VAV3: variants seen among roughly 807,000 people sequenced by gnomAD.
VAV3 encodes the protein guanine nucleotide exchange factor VAV3.
A neutral mutation model predicts 131.2 loss-of-function variants in VAV3; 94 were observed. The observed-to-expected ratio is 0.72, with a 90% CI of 0.61 to 0.85. The LOEUF is 0.85. Ranked by LOEUF, VAV3 falls within the 40% of genes least tolerant of loss-of-function variation. VAV3 has a pLI of 0.00. For missense variants in VAV3, 939 were observed against 1,002.7 expected (o/e 0.94, Z 0.86); for synonymous variants, 349 against 342.0 (o/e 1.02, Z -0.22).
At chr1:107,724,199 T>C (rs2101935597) in intron 15 of VAV3, among the ~76,000 whole-genome samples, 1 of 152,190 alleles carries the variant, frequency 6.6e-6, no homozygotes, top group East Asian at 1.9e-4. Context: ...CTTTAAATGT[T>C]CACCTCCGTC....
rs72689640 is a variant in VAV3 at position 107,954,742 on chromosome 1, C to T, written c.204+9924G>A. ...AATCAGAACACTCCTCCAAGGGAGC[C>T]CCACACAACAGGAAAATACCATGGG... On this transcript the variant is annotated intron_variant, in intron 1 of 26. Transcript: ENST00000370056. 8.5e-3 allele frequency among the ~76,000 whole-genome samples: 1,262 copies of T among 147,668 alleles called. 12 individuals are homozygous for T. The highest frequency in any genetic ancestry group is 0.013 in the Non-Finnish European group (896 of 67,752).
intron 10 of VAV3, among the ~76,000 whole-genome samples, chr1:107,758,757 C>G (rs1052769842): frequency 1.3e-5 from 2 of 152,144 alleles, no homozygotes; most frequent in Non-Finnish European, 2.9e-5. Flanking sequence ...ACCCATACCT[C>G]CTAGACTCCT....
chr1:107,760,783 C>T lies in VAV3; in HGVS notation c.1017+1G>A, dbSNP rs1014507578. The T allele has an allele frequency of 1.9e-6, 3 of 1,607,386 alleles. No individual in the cohort carries two copies. Among genetic ancestry groups the T allele is most frequent in the Non-Finnish European group, 2.6e-6 (3 of 1,174,678 alleles). ...TAAATAAACTGTTTTAAGTTACATA[C>T]CTGGAGGAGAAGGTGGTACTTTAAA... On this transcript the variant is annotated splice_donor_variant, in intron 10 of 26. Coordinates refer to ENST00000370056, the MANE Select transcript of VAV3 (RefSeq NM_006113.5). LOFTEE classifies it high-confidence loss of function.
At chr1:107,601,802 T>C (rs1227986552) in intron 24 of VAV3, among the ~76,000 whole-genome samples, 2 of 152,170 alleles carry the variant, frequency 1.3e-5, no homozygotes, top group African/African-American at 4.8e-5. Flanking sequence ...GAATAATCCT[T>C]ATTCATTTGA....
intron 15 of VAV3, among the ~76,000 whole-genome samples, chr1:107,745,385 A>C (rs1663278001): frequency 1.3e-5 from 2 of 150,014 alleles, no homozygotes; most frequent in African/African-American, 4.9e-5. Context: ...ACTTATCACA[A>C]AAAAAAAAGC....
intron 19 of VAV3, among the ~76,000 whole-genome samples, chr1:107,655,715 G>T (rs187234505): frequency 6.6e-6 from 1 of 152,154 alleles, no homozygotes; most frequent in Admixed American, 6.5e-5. Flanking sequence ...ATCTGACAGG[G>T]AATTAATAAC....
intron 2 of VAV3, among the ~76,000 whole-genome samples, chr1:107,873,019 A>G (rs559059521): frequency 6.6e-6 from 1 of 152,306 alleles, no homozygotes; most frequent in East Asian, 1.9e-4. Flanking sequence ...ATACAGTTCT[A>G]AAGAGATAGC....
intron 2 of VAV3, among the ~76,000 whole-genome samples, chr1:107,817,309 G>C (rs975521603): frequency 6.6e-6 from 1 of 152,124 alleles, no homozygotes; most frequent in Non-Finnish European, 1.5e-5. Context: ...CATTATCAGA[G>C]AAGGGCATTG....
intron 2 of VAV3, among the ~76,000 whole-genome samples, chr1:107,790,226 C>T (rs1007966420): frequency 2.0e-5 from 3 of 152,230 alleles, no homozygotes; most frequent in African/African-American, 4.8e-5. Context: ...TCCTTCCACA[C>T]AGGCCTTATG....
intron 1 of VAV3, among the ~76,000 whole-genome samples, chr1:107,946,829 C>T (rs539505527): frequency 6.6e-6 from 1 of 152,260 alleles, no homozygotes; most frequent in Admixed American, 6.5e-5. Flanking sequence ...CTCAACTACC[C>T]AAGGGAAATA....
At chr1:107,908,844 C>T (rs917927338) in intron 1 of VAV3, among the ~76,000 whole-genome samples, 27 of 140,256 alleles carry the variant, frequency 1.9e-4, no homozygotes, top group Non-Finnish European at 1.0e-4. Flanking sequence ...CACACACACA[C>T]ACACACACAC....
At chr1:107,715,991 G>A (rs1661069924) in intron 15 of VAV3, among the ~76,000 whole-genome samples, 1 of 152,134 alleles carries the variant, frequency 6.6e-6, no homozygotes, top group Admixed American at 6.6e-5. Flanking sequence ...GGTAATATTA[G>A]GGAACAAAAG....
chr1:107,683,728 T>A (rs1658815235), intron 18 of VAV3, among the ~76,000 whole-genome samples, 195 bp from the exon 19 acceptor site: 1 of 152,366 alleles, frequency 6.6e-6, no homozygotes, highest in South Asian at 2.1e-4. Context: ...CACGTGTATA[T>A]CATTACACTT....
intron 15 of VAV3, among the ~76,000 whole-genome samples, chr1:107,716,297 A>T (rs937699511): frequency 2.0e-5 from 3 of 152,222 alleles, no homozygotes; most frequent in African/African-American, 7.2e-5. Context: ...TATAAACATT[A>T]TTGTGACCAA....
rs1210593533 is a variant in VAV3 at position 107,609,835 on chromosome 1, G to A, written c.2015+96C>T. On this transcript the variant is annotated intron_variant, in intron 22 of 26. Coordinates refer to ENST00000370056, the MANE Select transcript of VAV3 (RefSeq NM_006113.5). ...AAAACACCTTTAGCCGAGACAAATG[G>A]AAATGGAATATGGTTTACTACCCCC... is the stretch of plus-strand genomic sequence containing the variant. 4 of 1,248,198 alleles carry A rather than the reference G, an allele frequency of 3.2e-6. No homozygotes were observed. The South Asian group carries it at 5.1e-5, about 16-fold the overall frequency. 77.3% of individuals were successfully genotyped at this position (1,248,198 alleles called of 1,614,324 possible).
intron 2 of VAV3, among the ~76,000 whole-genome samples, chr1:107,848,197 C>CA (rs1669055290): frequency 6.6e-6 from 1 of 151,644 alleles, no homozygotes; most frequent in Non-Finnish European, 1.5e-5. Flanking sequence ...CCTGTAGTCC[C>CA]AGCTAATTGG....
intron 15 of VAV3, among the ~76,000 whole-genome samples, chr1:107,731,348 ACCTGAT>A (rs1662226985): frequency 2.0e-5 from 3 of 152,218 alleles, no homozygotes; most frequent in Admixed American, 1.3e-4. Context: ...CCACACTTTT[ACCTGAT>A]CCTCATTAGC....
chr1:107,610,752 G>A (rs1652664417), intron 21 of VAV3, among the ~76,000 whole-genome samples: 1 of 152,150 alleles, frequency 6.6e-6, no homozygotes, highest in Non-Finnish European at 1.5e-5. Context: ...GTATATTAAT[G>A]TTAAAAATAA....
rs138670630 is a variant in VAV3, at chr1:107,709,425, TTTA to T, written c.1503-4367_1503-4365del. On this transcript the variant is annotated intron_variant, in intron 15 of 26. Transcript: ENST00000370056. The stretch of plus-strand genomic sequence containing the variant: ...AAGTAAAGGAAAGATAAGAGACATT[TTTA>T]TTAAGCCAAAAAAAATTACCTCTTA... Among the ~76,000 whole-genome samples the T allele has an allele frequency of 5.4e-3, 815 of 152,302 alleles. 10 individuals carry two copies. Among genetic ancestry groups the T allele is most frequent in the African/African-American group, 0.017 (717 of 41,564 alleles).
Sources: gnomAD v4.1 joint callset for allele counts (sites outside exome capture counted in the v4.1 genomes callset) on GRCh38, gnomAD v4.1.1 for gene constraint, MANE v1.5 for transcripts, NCBI Gene and HGNC (gene_info 2026-07-23, HGNC 2026-07-21) for gene names.